ZFHX3: variants seen among roughly 807,000 people sequenced by gnomAD.
ZFHX3 encodes zinc finger homeobox 3.
A neutral mutation model predicts 279.1 loss-of-function variants in ZFHX3; 42 were observed. The ratio of observed to expected loss-of-function variants is 0.15; its 90% CI spans 0.12 to 0.19. The LOEUF (loss-of-function observed/expected upper bound fraction) is 0.19. Among genes scored for constraint, ZFHX3 ranks in the 10% least tolerant of loss-of-function variants. ZFHX3 has a pLI of 1.00. For synonymous variants in ZFHX3, 2,293 were observed against 1,957.8 expected, an observed-to-expected ratio of 1.17 and a Z score of -4.52; for missense variants, 4,981 against 4,754.0, an observed-to-expected ratio of 1.05 and a Z score of -1.40.
intron 2 of ZFHX3, among the ~76,000 whole-genome samples, chr16:73,517,393 T>C (rs1385456840): frequency 1.3e-5 from 2 of 152,224 alleles, no homozygotes; most frequent in African/African-American, 4.8e-5. Context: ...ACAAAATTCA[T>C]GGATGAATAA....
chr16:73,094,315 C>A (rs1966130248), intron 7 of ZFHX3, among the ~76,000 whole-genome samples: 1 of 152,204 alleles, frequency 6.6e-6, no homozygotes, highest in Non-Finnish European at 1.5e-5. Context: ...TCTAAGAACC[C>A]CTACCCTGAC....
intron 3 of ZFHX3, among the ~76,000 whole-genome samples, chr16:73,434,414 A>G (rs1233745839): frequency 6.6e-6 from 1 of 152,196 alleles, no homozygotes; most frequent in Admixed American, 6.5e-5. Context: ...CTAAGGTCCT[A>G]TGGAAACAGG....
rs182500308 is a variant in ZFHX3 at position 73,552,771 on chromosome 16, A to G, written c.-1546-96513T>C. ...TACCTGTTTGTCATGCTGCATTTAT[A>G]TTGCTTTTTATGTATTAAAAAAACC... On this transcript the variant is annotated intron_variant, in intron 2 of 17. Coordinates refer to the ZFHX3 transcript ENST00000641206. Among the ~76,000 whole-genome samples, 3 of 152,298 alleles carry G rather than the reference A, an allele frequency of 2.0e-5. No individual in the cohort carries two copies. In the East Asian group the frequency reaches 5.8e-4, roughly 29 times the overall value.
At chr16:73,634,433 A>T (rs1018577386) in intron 2 of ZFHX3, among the ~76,000 whole-genome samples, 7 of 59,880 alleles carry the variant, frequency 1.2e-4, no homozygotes, top group Admixed American at 1.9e-4. Flanking sequence ...TATTATGTAT[A>T]ATATATATAT....
At chr16:73,414,721 C>A (rs2017536347) in intron 3 of ZFHX3, among the ~76,000 whole-genome samples, 1 of 152,066 alleles carries the variant, frequency 6.6e-6, no homozygotes, top group Admixed American at 6.5e-5. Context: ...GCCTATGGTC[C>A]CAGCTGCTTG....
At chr16:73,445,316 A>G (rs28447624) in intron 3 of ZFHX3, among the ~76,000 whole-genome samples, 38 of 89,712 alleles carry the variant, frequency 4.2e-4, no homozygotes, top group East Asian at 2.0e-3. Flanking sequence ...GTGTGTGTGT[A>G]TATGTATGGG....
chr16:73,721,215 G>T (rs1034942065), intron 1 of ZFHX3, among the ~76,000 whole-genome samples: 17 of 151,920 alleles, frequency 1.1e-4, no homozygotes, highest in Non-Finnish European at 2.2e-4. Flanking sequence ...TCCGCCTCCC[G>T]GGTTCAAGCG....
intron 7 of ZFHX3, among the ~76,000 whole-genome samples, chr16:72,806,810 A>C (rs1193870989): frequency 5.3e-5 from 8 of 152,220 alleles, no homozygotes; most frequent in Non-Finnish European, 1.2e-4. Flanking sequence ...GGTACAAAAA[A>C]TACAGAATAA....
chr16:72,971,877 AATTTTTTT>A (rs1962120100), intron 1 of ZFHX3, among the ~76,000 whole-genome samples: 1 of 128,070 alleles, frequency 7.8e-6, no homozygotes, highest in Admixed American at 8.6e-5. Flanking sequence ...ACTGCCTATT[AATTTTTTT>A]TTTTTTTTTT....
At chr16:73,799,725 AC>A (rs915322882) in intron 1 of ZFHX3, among the ~76,000 whole-genome samples, 1 of 152,104 alleles carries the variant, frequency 6.6e-6, no homozygotes, top group African/African-American at 2.4e-5. Context: ...GACAGAATCA[AC>A]CCCAAAGGCG....
At chr16:73,633,529 T>C (rs2052497305) in intron 2 of ZFHX3, among the ~76,000 whole-genome samples, 1 of 152,224 alleles carries the variant, frequency 6.6e-6, no homozygotes. Context: ...CTATTCGTAA[T>C]GTTTTATTTC....
intron 5 of ZFHX3, among the ~76,000 whole-genome samples, chr16:73,237,087 G>C (rs1172705135): frequency 6.6e-6 from 1 of 152,150 alleles, no homozygotes; most frequent in Non-Finnish European, 1.5e-5. Flanking sequence ...TAACTTTACA[G>C]ATGAGGGTAC....
rs1441738634 is a variant in ZFHX3 at position 73,483,769 on chromosome 16, C to T, written c.-1546-27511G>A. On this transcript the variant is annotated intron_variant, in intron 2 of 17. Coordinates refer to the ZFHX3 transcript ENST00000641206. ...GGATCCGGAGGGTAACCAAATTAGCCTTTGGCAGCCATGGTAATTGGGAGG... is the reference window on the plus strand; with the variant it reads ...GGATCCGGAGGGTAACCAAATTAGCTTTTGGCAGCCATGGTAATTGGGAGG... Among the ~76,000 whole-genome samples the T allele has an allele frequency of 3.3e-5, 5 of 152,026 alleles. No individual in the cohort carries two copies. The East Asian group carries it at 9.7e-4, about 29-fold the overall frequency.
At chr16:73,840,840 G>A (rs982272394) in intron 1 of ZFHX3, among the ~76,000 whole-genome samples, 3 of 152,128 alleles carry the variant, frequency 2.0e-5, no homozygotes, top group African/African-American at 7.2e-5. Context: ...GGTAAAACAT[G>A]TCCCTTGGCA....
chr16:73,773,642 G>C (rs1187507684), intron 1 of ZFHX3, among the ~76,000 whole-genome samples: 1 of 152,222 alleles, frequency 6.6e-6, no homozygotes, highest in Non-Finnish European at 1.5e-5. Context: ...GTCTCAGGTA[G>C]AGATATGTGA....
intron 6 of ZFHX3, among the ~76,000 whole-genome samples, chr16:73,140,309 A>G (rs1490347586): frequency 6.6e-6 from 1 of 152,142 alleles, no homozygotes; most frequent in African/African-American, 2.4e-5. Context: ...TCAGTAAACG[A>G]AACTAAAACC....
chr16:73,486,657 G>C (rs1049640843), intron 2 of ZFHX3: 1 of 380,322 alleles, frequency 2.6e-6, no homozygotes, highest in Non-Finnish European at 5.2e-6. Flanking sequence ...GATAGTGCTG[G>C]GATTAGAGGT....
intron 3 of ZFHX3, among the ~76,000 whole-genome samples, chr16:72,890,434 A>C (rs1244211274): frequency 1.3e-5 from 2 of 151,486 alleles, no homozygotes; most frequent in Non-Finnish European, 2.9e-5. Flanking sequence ...AGTCCTAGGC[A>C]GTTCTTAGTA....
intron 2 of ZFHX3, among the ~76,000 whole-genome samples, chr16:73,538,998 G>T (rs373476565): frequency 1.3e-5 from 2 of 152,170 alleles, no homozygotes; most frequent in Non-Finnish European, 2.9e-5. Context: ...AGGTACGTGC[G>T]ATGTGTCCCC....
Sources: allele counts gnomAD v4.1 joint callset (sites outside exome capture counted in the v4.1 genomes callset), GRCh38; gene constraint gnomAD v4.1.1; transcripts MANE v1.5; gene names NCBI Gene and HGNC (gene_info 2026-07-23, HGNC 2026-07-21).